GADL1: variants seen among roughly 807,000 people sequenced by gnomAD.
GADL1 encodes acidic amino acid decarboxylase GADL1.
GADL1 carries 71 observed loss-of-function variants against 69.5 expected under a neutral mutation model. The ratio of observed to expected loss-of-function variants is 1.02; its 90% CI spans 0.84 to 1.25. The LOEUF is 1.25. Among genes scored for constraint, GADL1 ranks in the 50% most tolerant of loss-of-function variants. GADL1 has a pLI of 0.00. For synonymous variants in GADL1, 254 were observed against 214.4 expected, an observed-to-expected ratio of 1.18 and a Z score of -1.62; for missense variants, 737 against 631.8, an observed-to-expected ratio of 1.17 and a Z score of -1.79.
intron 12 of GADL1, among the ~76,000 whole-genome samples, chr3:30,796,971 G>A (rs923676651): frequency 1.3e-5 from 2 of 152,144 alleles, no homozygotes; most frequent in African/African-American, 2.4e-5. Context: ...ATGTAACTTT[G>A]CAATTCTTCC....
intron 1 of GADL1, among the ~76,000 whole-genome samples, chr3:30,888,608 G>T (rs187347966): frequency 1.3e-5 from 2 of 152,164 alleles, no homozygotes; most frequent in Admixed American, 6.5e-5. Context: ...TAGGGGTACT[G>T]CCTTCAAATC....
At chr3:30,886,662 T>C (rs1308644375) in intron 1 of GADL1, among the ~76,000 whole-genome samples, 2 of 152,172 alleles carry the variant, frequency 1.3e-5, no homozygotes, top group East Asian at 3.9e-4. Flanking sequence ...ATAATTCATG[T>C]TGTAACTGTT....
At chr3:30,846,171 G>GT (rs1330785717) in intron 6 of GADL1, among the ~76,000 whole-genome samples, 2 of 152,122 alleles carry the variant, frequency 1.3e-5, no homozygotes, top group African/African-American at 4.8e-5. Context: ...ATGCTGAGTA[G>GT]TTTCAAGGAA....
intron 1 of GADL1, among the ~76,000 whole-genome samples, chr3:30,871,460 A>T (rs746427361): frequency 2.0e-5 from 3 of 151,796 alleles, no homozygotes; most frequent in Admixed American, 2.0e-4. Context: ...CAGGTATCCC[A>T]TATCTTTGTA....
chr3:30,820,349 A>G (rs1466230456), intron 11 of GADL1, among the ~76,000 whole-genome samples: 2 of 152,094 alleles, frequency 1.3e-5, no homozygotes, highest in East Asian at 1.9e-4. Context: ...TACCGAACAT[A>G]TTTTTGAAAA....
chr3:30,736,931 A>T (rs1338996554), intron 14 of GADL1, among the ~76,000 whole-genome samples: 1 of 152,130 alleles, frequency 6.6e-6, no homozygotes, highest in African/African-American at 2.4e-5. Flanking sequence ...AAGTAAAAAA[A>T]GTTACTTTTT....
In GADL1 at chr3:30,778,182, A is replaced by AT. The variant is rs749634441; in HGVS notation, c.1388dup (p.Asn463LysfsTer8). On this transcript the variant is annotated frameshift_variant, in exon 14 of 15. Transcript: ENST00000282538. LOFTEE classifies it high-confidence loss of function. ...ATACCATTTACTTATTACTTACCAA[A>AT]TTAAGTTTTGCCCAGAACTCGGGTC... 1.6e-5 allele frequency: 26 copies of AT among 1,579,436 alleles called. No individual in the cohort carries two copies. Among genetic ancestry groups the AT allele is most frequent in the African/African-American group, 2.7e-5 (2 of 74,120 alleles).
chr3:30,744,644 T>C (rs913969245), intron 14 of GADL1, among the ~76,000 whole-genome samples: 3 of 151,766 alleles, frequency 2.0e-5, no homozygotes, highest in Non-Finnish European at 2.9e-5. Flanking sequence ...AGCCCAGGAG[T>C]TTGAGGCTGC....
intron 12 of GADL1, among the ~76,000 whole-genome samples, chr3:30,787,420 CAA>C (rs1696820756): frequency 6.6e-6 from 1 of 152,058 alleles, no homozygotes; most frequent in Non-Finnish European, 1.5e-5. Context: ...TTGTCTGTAC[CAA>C]AAGAGAAGTC....
At chr3:30,784,165 T>C (rs1342972233) in intron 13 of GADL1, among the ~76,000 whole-genome samples, 1 of 152,212 alleles carries the variant, frequency 6.6e-6, no homozygotes, top group Admixed American at 6.5e-5. Context: ...ATAATGCCAT[T>C]ATGCCTCACA....
At chr3:30,840,555 C>T (rs1697949176) in intron 8 of GADL1, among the ~76,000 whole-genome samples, 1 of 152,194 alleles carries the variant, frequency 6.6e-6, no homozygotes, top group Non-Finnish European at 1.5e-5. Flanking sequence ...ACCAGCTTTA[C>T]ACCAATCATT....
intron 14 of GADL1, among the ~76,000 whole-genome samples, chr3:30,755,903 CCT>C (rs1163932253): frequency 6.6e-6 from 1 of 152,066 alleles, no homozygotes; most frequent in East Asian, 1.9e-4. Flanking sequence ...ATGGCTGGTT[CCT>C]CTGTGTGAGC....
rs75459322 is a variant in GADL1 at position 30,780,033 on chromosome 3, A to G, written c.1303-1765T>C. Among the ~76,000 whole-genome samples the G allele has an allele frequency of 3.1e-3, 479 of 152,236 alleles. 1 individual carries two copies. Among genetic ancestry groups the G allele is most frequent in the African/African-American group, 0.011 (457 of 41,544 alleles). ...CCCATCTACCCCAGTAGCTTCCCCC[A>G]GTACACCCCTTTCAGGTGGCATCAC... On this transcript the variant is annotated intron_variant, in intron 13 of 14. Coordinates refer to ENST00000282538, the MANE Select transcript of GADL1 (RefSeq NM_207359.3).
At chr3:30,847,603 G>C (rs1698079697) in intron 6 of GADL1, among the ~76,000 whole-genome samples, 1 of 152,184 alleles carries the variant, frequency 6.6e-6, no homozygotes, top group South Asian at 2.1e-4. Context: ...TCTTTGAGTA[G>C]GGAAAGGAAT....
chr3:30,744,767 C>T (rs1470053990), intron 14 of GADL1, among the ~76,000 whole-genome samples: 2 of 152,132 alleles, frequency 1.3e-5, no homozygotes, highest in African/African-American at 4.8e-5. Flanking sequence ...GCAGGCCATA[C>T]AGTTTCTGTG....
chr3:30,759,951 G>T (rs1270155409), intron 14 of GADL1, among the ~76,000 whole-genome samples: 2 of 151,892 alleles, frequency 1.3e-5, no homozygotes, highest in African/African-American at 4.8e-5. Flanking sequence ...GTAAGTTGAA[G>T]AAAGATTCAC....
intron 11 of GADL1, among the ~76,000 whole-genome samples, chr3:30,828,479 T>TGTG (rs1553601347): frequency 7.5e-6 from 1 of 133,318 alleles, no homozygotes; most frequent in Non-Finnish European, 1.6e-5. Context: ...AAAATAAAAG[T>TGTG]GGGGGGGGTG....
chr3:30,876,886 G>T (rs1389899), intron 1 of GADL1, among the ~76,000 whole-genome samples: 4,363 of 151,918 alleles, frequency 0.029, 176 homozygotes, highest in African/African-American at 0.089. Context: ...CCCACAGTGA[G>T]AAATACCTTA....
At chr3:30,762,263 G>C (rs1033701053) in intron 14 of GADL1, among the ~76,000 whole-genome samples, 1 of 152,188 alleles carries the variant, frequency 6.6e-6, no homozygotes, top group African/African-American at 2.4e-5. Flanking sequence ...GTTCATGGCA[G>C]TAATCTAGGT....
Sources: allele counts gnomAD v4.1 joint callset (sites outside exome capture counted in the v4.1 genomes callset), GRCh38; gene constraint gnomAD v4.1.1; transcripts MANE v1.5; gene names NCBI Gene and HGNC (gene_info 2026-07-23, HGNC 2026-07-21).